Variants in GPATCH3 observed in about 807,000 individuals in gnomAD.
GPATCH3 encodes G patch domain-containing protein 3.
GPATCH3 carries 45 observed loss-of-function variants against 53.2 expected under a neutral mutation model. The observed-to-expected ratio is 0.85, with a 90% CI of 0.67 to 1.08. The LOEUF (loss-of-function observed/expected upper bound fraction) is 1.08, where lower values mean the gene tolerates loss of function less well. GPATCH3 is among the 50% of genes least tolerant of loss of function. GPATCH3 has a pLI of 0.00. For missense variants in GPATCH3, 680 were observed against 687.2 expected, an observed-to-expected ratio of 0.99 and a Z score of 0.12; for synonymous variants, 280 against 270.6, an observed-to-expected ratio of 1.03 and a Z score of -0.34.
intron 2 of GPATCH3, among the ~76,000 whole-genome samples, chr1:26,895,028 T>C (rs1162535798): frequency 6.6e-6 from 1 of 152,114 alleles, no homozygotes; most frequent in Non-Finnish European, 1.5e-5. Context: ...GAGCCAGCAA[T>C]GCAAACCCGG....
At chr1:26,895,262 C>A (rs1283263064) in intron 2 of GPATCH3, among the ~76,000 whole-genome samples, 15 of 152,086 alleles carry the variant, frequency 9.9e-5, no homozygotes, top group Non-Finnish European at 5.9e-5. Context: ...CAGTGGCTCA[C>A]GCCTGTAATC....
rs2081918883 is a variant in GPATCH3 at position 26,890,539 on chromosome 1, T to A, written c.*471A>T. On this transcript the variant is annotated 3_prime_UTR_variant, in exon 7 of 7. Transcript: ENST00000361720. The stretch of plus-strand genomic sequence containing the variant: ...CGTGACGTCGCACACCCAAGCCACC[T>A]CCCGCGGACTCTCCGCTGGCAGTCC... The A allele has an allele frequency of 3.3e-6, 1 of 299,134 alleles. No individual in the cohort carries two copies. Among genetic ancestry groups the A allele is most frequent in the Non-Finnish European group, 6.5e-6 (1 of 154,042 alleles). The allele number at this position is 299,134 out of a possible 1,614,324, so 18.5% of individuals were successfully genotyped here.
At position 26,897,412 on chromosome 1, in the gene GPATCH3, C is replaced by G. The variant is rs1364953715; in HGVS notation, c.765G>C (p.Glu255Asp). ...VEQEELVYTA[E>D]GEEIPQGTYL... ...AGGTTCCTTGGGGTATTTCTTCACC[C>G]TCTGCTGTATACACAAGCTCTTCCT... Residue 255 changes from glutamate (E) to aspartate (D), a missense_variant, in exon 2 of 7, where the codon GAG becomes GAC. Glu to Asp is a conservative substitution (Grantham distance 45). Coordinates refer to ENST00000361720, the MANE Select transcript of GPATCH3 (RefSeq NM_022078.3). The G allele has an allele frequency of 6.2e-7, 1 of 1,614,208 alleles. No individual in the cohort carries two copies.
Position 26,893,529 on chromosome 1 carries a change from C to CTTTTTT in GPATCH3, c.1052-87_1052-82dup, listed in dbSNP as rs57218076. 20 of 373,088 alleles carry CTTTTTT rather than the reference C, an allele frequency of 5.4e-5. 1 individual carries two copies. Among genetic ancestry groups the CTTTTTT allele is most frequent in the Non-Finnish European group, 6.2e-5 (13 of 208,818 alleles). The allele number at this position is 373,088 out of a possible 1,614,324, so 23.1% of individuals were successfully genotyped here. On this transcript the variant is annotated intron_variant, in intron 3 of 6. Coordinates refer to ENST00000361720, the MANE Select transcript of GPATCH3 (RefSeq NM_022078.3). ...AGAGTTAAACCTAGAGTTTTTTTGG[C>CTTTTTT]TTTTTTTTTTTTTTTTTTTTTGAGA...
In GPATCH3 at chr1:26,897,282, G is replaced by A. The variant is rs1363801844; in HGVS notation, c.876+19C>T. ...CTCTTTCAGCTGCCAGCAAGGACAG[G>A]GTAGCACACTGTACTCACCTCATCT... On this transcript the variant is annotated intron_variant, in intron 2 of 6. Coordinates refer to ENST00000361720, the MANE Select transcript of GPATCH3 (RefSeq NM_022078.3). 2 of 1,610,374 alleles carry A rather than the reference G, an allele frequency of 1.2e-6. No homozygotes were observed. The highest frequency in any genetic ancestry group is 1.7e-6 in the Non-Finnish European group (2 of 1,177,232).
rs202085861 is a variant in GPATCH3, at chr1:26,891,104, C to A, written c.1484G>T (p.Arg495Leu). 1 of 1,614,060 alleles carries A rather than the reference C, an allele frequency of 6.2e-7. No homozygotes were observed. Among genetic ancestry groups the A allele is most frequent in the Non-Finnish European group, 8.5e-7 (1 of 1,180,008 alleles). ...CTTCATGCTGGTGGGTGGCTGGCGG[C>A]GGAGCAGTGACTCCGTCTGGTCTTG... ...LPQDQTESLL[R>L]RQPPTSMKFR... The change falls in exon 7 of 7, where the codon CGC (arginine) becomes CTC (leucine). Residue 495 changes from arginine to leucine, a missense_variant. Coordinates refer to ENST00000361720, the MANE Select transcript of GPATCH3 (RefSeq NM_022078.3).
chr1:26,892,996 G>A (rs2081935428), intron 4 of GPATCH3: 1 of 616,030 alleles, frequency 1.6e-6, no homozygotes, highest in East Asian at 2.8e-5. Flanking sequence ...AAAAGTAACA[G>A]AGCCAACAAA....
At chr1:26,898,881 T>TCC (rs2081962431) in intron 1 of GPATCH3, among the ~76,000 whole-genome samples, 1 of 152,016 alleles carries the variant, frequency 6.6e-6, no homozygotes, top group African/African-American at 2.4e-5. Context: ...CCCAGGCTGG[T>TCC]ATGGAACTCC....
chr1:26,890,669 G>A lies in GPATCH3; in HGVS notation c.*341C>T, dbSNP rs1357473224. On this transcript the variant is annotated 3_prime_UTR_variant, in exon 7 of 7. Coordinates refer to ENST00000361720, the MANE Select transcript of GPATCH3 (RefSeq NM_022078.3). Reference sequence around the variant, plus strand: ...GTCCCTTTCCCCCTTTCTGGCCTTCGTGGGGACACCTTCAGAGTCCCCAAG... The same window carrying A: ...GTCCCTTTCCCCCTTTCTGGCCTTCATGGGGACACCTTCAGAGTCCCCAAG... 2 of 446,818 alleles carry A rather than the reference G, an allele frequency of 4.5e-6. No individual in the cohort carries two copies. The highest frequency in any genetic ancestry group is 2.0e-5 in the African/African-American group (1 of 49,658). The allele number at this position is 446,818 out of a possible 1,614,324, so 27.7% of individuals were successfully genotyped here.
chr1:26,900,062 C>T lies in GPATCH3; in HGVS notation c.381G>A (p.Leu127=), dbSNP rs747522658. The T allele has an allele frequency of 1.7e-5, 28 of 1,614,166 alleles. No individual in the cohort carries two copies. The highest frequency in any genetic ancestry group is 2.3e-5 in the Non-Finnish European group (27 of 1,180,046). Residue 127 remains leucine (L), a synonymous_variant, in exon 1 of 7, where the codon CTG becomes CTA. Transcript: ENST00000361720. Reference sequence around the variant, plus strand: ...CCGGTAGCCAAGTCCCGTGAGAATCCAGCCACCGGCGGCCCGAGTACATGC... The same window carrying T: ...CCGGTAGCCAAGTCCCGTGAGAATCTAGCCACCGGCGGCCCGAGTACATGC... ...LIRMYSGRRW[L]DSHGTWLPGR...
rs1258229181 is a variant in GPATCH3 at position 26,891,220 on chromosome 1, A to G, written c.1368T>C (p.His456=). 2 of 1,611,814 alleles carry G rather than the reference A, an allele frequency of 1.2e-6. No individual in the cohort carries two copies. Among genetic ancestry groups the G allele is most frequent in the Admixed American group, 1.7e-5 (1 of 59,920 alleles). The change falls in exon 7 of 7, where the codon CAT becomes CAC. Residue 456 remains histidine, a synonymous_variant. Transcript: ENST00000361720. ...HPRCKRGLGY[H]GEKLQPFGQL... ...GCCCAAATGGCTGTAGCTTCTCTCC[A>G]TGGTACCTGGATAAAAACGGGCTCT...
chr1:26,898,273 G>A (rs2081959607), intron 1 of GPATCH3, among the ~76,000 whole-genome samples: 1 of 152,022 alleles, frequency 6.6e-6, no homozygotes. Flanking sequence ...TCATCACCTT[G>A]GCTGGGCATA....
chr1:26,896,865 A>G (rs936957710), intron 2 of GPATCH3, among the ~76,000 whole-genome samples: 1 of 151,886 alleles, frequency 6.6e-6, no homozygotes, highest in African/African-American at 2.4e-5. Flanking sequence ...TACTAAAAAT[A>G]CAAAAAATTA....
In GPATCH3 at chr1:26,894,567, T is replaced by C. The variant is rs2081942805; in HGVS notation, c.877-157A>G. Among the ~76,000 whole-genome samples the C allele has an allele frequency of 3.9e-5, 6 of 152,204 alleles. No individual in the cohort carries two copies. The South Asian group carries it at 1.2e-3, about 32-fold the overall frequency. On this transcript the variant is annotated intron_variant, in intron 2 of 6. Coordinates refer to ENST00000361720, the MANE Select transcript of GPATCH3 (RefSeq NM_022078.3). ...ATATTTGGCCCCTGACCAACACGTC[T>C]CCAGCCCGATAATTCTCAACAGTTT...
Position 26,890,550 on chromosome 1 carries a change from C to T in GPATCH3, c.*460G>A, listed in dbSNP as rs1243331479. The T allele has an allele frequency of 9.8e-5, 31 of 316,948 alleles. 1 individual carries two copies. The East Asian group carries it at 2.2e-3, about 22-fold the overall frequency. 19.6% of individuals were successfully genotyped at this position (316,948 alleles called of 1,614,324 possible). On this transcript the variant is annotated 3_prime_UTR_variant, in exon 7 of 7. Transcript: ENST00000361720. Reference sequence around the variant, plus strand: ...ACACCCAAGCCACCTCCCGCGGACTCTCCGCTGGCAGTCCCACCCAGTGAG... The same window carrying T: ...ACACCCAAGCCACCTCCCGCGGACTTTCCGCTGGCAGTCCCACCCAGTGAG...
chr1:26,898,359 A>T (rs1344239770), intron 1 of GPATCH3, among the ~76,000 whole-genome samples: 1 of 152,028 alleles, frequency 6.6e-6, no homozygotes, highest in African/African-American at 2.4e-5. Flanking sequence ...TCTGTCACCC[A>T]GACTGGCGTA....
intron 2 of GPATCH3, among the ~76,000 whole-genome samples, 188 bp from the exon 3 acceptor site, chr1:26,894,598 T>C (rs1216144647): frequency 6.6e-6 from 1 of 152,196 alleles, no homozygotes; most frequent in East Asian, 1.9e-4. Flanking sequence ...AGTTTGCTCC[T>C]GTCCCCACAA....
intron 5 of GPATCH3, 37 bp downstream of exon 5, chr1:26,892,633 G>A: frequency 2.5e-6 from 4 of 1,610,904 alleles, no homozygotes; most frequent in Non-Finnish European, 3.4e-6. Context: ...AGAAGGAAAA[G>A]AGAGGGGTCC....
chr1:26,894,165 C>T lies in GPATCH3; in HGVS notation c.1051+71G>A, dbSNP rs531495529. 4.3e-4 allele frequency: 640 copies of T among 1,477,820 alleles called. 6 individuals are homozygous for T. The South Asian group carries it at 4.7e-3, about 11-fold the overall frequency. The allele number at this position is 1,477,820 out of a possible 1,614,324, so 91.5% of individuals were successfully genotyped here. On this transcript the variant is annotated intron_variant, in intron 3 of 6. Coordinates refer to ENST00000361720, the MANE Select transcript of GPATCH3 (RefSeq NM_022078.3). ...TTGGGCTCACCACTACAGAATCTACCGTGTGGAACAGGGAACCCCAAAAGA... is the reference window on the plus strand; with the variant it reads ...TTGGGCTCACCACTACAGAATCTACTGTGTGGAACAGGGAACCCCAAAAGA...
Sources: allele counts gnomAD v4.1 joint callset (sites outside exome capture counted in the v4.1 genomes callset), GRCh38; gene constraint gnomAD v4.1.1; transcripts MANE v1.5; gene names NCBI Gene and HGNC (gene_info 2026-07-23, HGNC 2026-07-21).